Variants in SH3BGRL2 observed in about 807,000 individuals in gnomAD.
SH3BGRL2 encodes SH3 domain binding glutamate rich protein like 2.
SH3BGRL2 carries 21 observed loss-of-function variants against 14.8 expected under a neutral mutation model. The observed-to-expected ratio is 1.42, with a 90% CI of 1.01 to 2.05. The LOEUF (loss-of-function observed/expected upper bound fraction) is 2.05, where lower values mean the gene tolerates loss of function less well. SH3BGRL2 is among the 30% of genes most tolerant of loss of function. The pLI is 0.00. For missense variants in SH3BGRL2, 147 were observed against 130.8 expected, an observed-to-expected ratio of 1.12 and a Z score of -0.61; for synonymous variants, 50 against 47.8, an observed-to-expected ratio of 1.05 and a Z score of -0.19.
At chr6:79,676,493 A>C (rs1351717459) in intron 2 of SH3BGRL2, among the ~76,000 whole-genome samples, 1 of 151,702 alleles carries the variant, frequency 6.6e-6, no homozygotes, top group Non-Finnish European at 1.5e-5. Context: ...GCAGACATTG[A>C]GTTTTGACCA....
upstream of SH3BGRL2, among the ~76,000 whole-genome samples, chr6:79,627,798 A>T (rs1768760366): frequency 6.6e-6 from 1 of 152,084 alleles, no homozygotes; most frequent in Non-Finnish European, 1.5e-5. Flanking sequence ...TCTTAGGCAA[A>T]ATAATAGGCT....
intron 1 of SH3BGRL2, among the ~76,000 whole-genome samples, chr6:79,647,858 A>C (rs973476755): frequency 1.3e-5 from 2 of 152,080 alleles, no homozygotes; most frequent in South Asian, 2.1e-4. Flanking sequence ...TTTTTGTCAA[A>C]TACATAAATT....
At chr6:79,673,033 T>G (rs1385276594) in intron 1 of SH3BGRL2, among the ~76,000 whole-genome samples, 1 of 152,164 alleles carries the variant, frequency 6.6e-6, no homozygotes, top group Non-Finnish European at 1.5e-5. Context: ...AAAATGTTGC[T>G]GCTGTCATGA....
upstream of SH3BGRL2, among the ~76,000 whole-genome samples, chr6:79,630,847 G>A (rs1768807326): frequency 6.6e-6 from 1 of 152,028 alleles, no homozygotes; most frequent in Admixed American, 6.6e-5. Context: ...AAACAAACGA[G>A]CCCAACCCCA....
chr6:79,543,701 T>C, the SH3BGRL2 span, among the ~76,000 whole-genome samples: 1 of 152,186 alleles, frequency 6.6e-6, no homozygotes, highest in Non-Finnish European at 1.5e-5. Flanking sequence ...ATAGGAACTG[T>C]CTCTCTGTTG....
chr6:79,563,363 C>T, the SH3BGRL2 span, among the ~76,000 whole-genome samples: 8 of 152,006 alleles, frequency 5.3e-5, no homozygotes, highest in Admixed American at 3.3e-4. Context: ...CCCCCCGCCT[C>T]GGCCTCCTGA....
At chr6:79,573,392 A>C in the SH3BGRL2 span, among the ~76,000 whole-genome samples, 16,232 of 152,104 alleles carry the variant, frequency 0.11, 980 homozygotes, top group Non-Finnish European at 0.13. Context: ...TTGTAATTAT[A>C]ATATTTTTAT....
chr6:79,564,749 T>G, the SH3BGRL2 span, among the ~76,000 whole-genome samples: 3 of 152,174 alleles, frequency 2.0e-5, no homozygotes, highest in Non-Finnish European at 4.4e-5. Flanking sequence ...AATGATACAT[T>G]ATGTATGAAG....
At chr6:79,643,058 A>G (rs1769062125) in intron 1 of SH3BGRL2, among the ~76,000 whole-genome samples, 1 of 152,188 alleles carries the variant, frequency 6.6e-6, no homozygotes, top group Non-Finnish European at 1.5e-5. Flanking sequence ...GGGCAGCTGA[A>G]CAATTACTCT....
the SH3BGRL2 span, among the ~76,000 whole-genome samples, chr6:79,593,229 T>C: frequency 6.6e-6 from 1 of 152,194 alleles, no homozygotes; most frequent in East Asian, 1.9e-4. Flanking sequence ...TACATGACTT[T>C]TCCAATTAAA....
chr6:79,609,180 A>G, the SH3BGRL2 span, among the ~76,000 whole-genome samples: 2 of 152,158 alleles, frequency 1.3e-5, no homozygotes, highest in African/African-American at 4.8e-5. Context: ...CATGCATGAC[A>G]TTGGACACTG....
chr6:79,617,245 A>G, the SH3BGRL2 span, among the ~76,000 whole-genome samples: 5 of 152,294 alleles, frequency 3.3e-5, no homozygotes, highest in African/African-American at 4.8e-5. Context: ...CTTTCATTCA[A>G]TGATTATTAA....
At chr6:79,618,715 T>TGAG in the SH3BGRL2 span, among the ~76,000 whole-genome samples, 1 of 151,682 alleles carries the variant, frequency 6.6e-6, no homozygotes, top group Non-Finnish European at 1.5e-5. Flanking sequence ...AGTCAAGAGT[T>TGAG]CGAGACCAGC....
rs1770335676 is a variant in SH3BGRL2 at position 79,696,539 on chromosome 6, G to A, written c.286G>A (p.Gly96Ser). 1 of 1,569,554 alleles carries A rather than the reference G, an allele frequency of 6.4e-7. No homozygotes were observed. Among genetic ancestry groups the A allele is most frequent in the Non-Finnish European group, 8.6e-7 (1 of 1,166,848 alleles). ...KESNTVFSFL[G>S]LKPRLASKAE... ...AAGCAACACAGTCTTTTCATTTTTA[G>A]GCCTGAAACCACGGTTGGCATCAAA... Residue 96 changes from glycine to serine, a missense_variant, in exon 3 of 4, where the codon GGC becomes AGC. Transcript: ENST00000369838.
At chr6:79,580,644 T>G in the SH3BGRL2 span, among the ~76,000 whole-genome samples, 1 of 152,122 alleles carries the variant, frequency 6.6e-6, no homozygotes, top group Non-Finnish European at 1.5e-5. Context: ...GTCAAAGCAG[T>G]GTGTAGAGGG....
At chr6:79,590,455 A>ATATATATATATATATATATATATG in the SH3BGRL2 span, among the ~76,000 whole-genome samples, 10 of 116,148 alleles carry the variant, frequency 8.6e-5, 1 homozygote, top group East Asian at 3.7e-4. Flanking sequence ...ATATATATAT[A>ATATATATATATATATATATATATG]TATATATATG....
the SH3BGRL2 span, among the ~76,000 whole-genome samples, chr6:79,542,718 A>G: frequency 2.0e-5 from 3 of 151,988 alleles, no homozygotes; most frequent in Non-Finnish European, 2.9e-5. Flanking sequence ...TTCCTTCTCA[A>G]TGTCTCTGTT....
At chr6:79,610,042 G>A in the SH3BGRL2 span, among the ~76,000 whole-genome samples, 18 of 152,284 alleles carry the variant, frequency 1.2e-4, no homozygotes, top group African/African-American at 4.3e-4. Flanking sequence ...GATAATGCCT[G>A]CTTTTCCACA....
At chr6:79,679,020 T>C (rs55942642) in intron 2 of SH3BGRL2, among the ~76,000 whole-genome samples, 18,175 of 152,214 alleles carry the variant, frequency 0.12, 1,238 homozygotes, top group Non-Finnish European at 0.15. Context: ...CAGTCCATCA[T>C]TGATGTGCAC....
Sources: gnomAD v4.1 joint callset for allele counts (sites outside exome capture counted in the v4.1 genomes callset) on GRCh38, gnomAD v4.1.1 for gene constraint, MANE v1.5 for transcripts, NCBI Gene and HGNC (gene_info 2026-07-23, HGNC 2026-07-21) for gene names.